Variants in CPAMD8 observed in about 807,000 individuals in gnomAD.
CPAMD8 encodes the protein C3 and PZP-like alpha-2-macroglobulin domain-containing protein 8.
CPAMD8 carries 146 observed loss-of-function variants against 224.7 expected under a neutral mutation model. That is an observed-to-expected ratio of 0.65 (90% CI 0.57 to 0.75). CPAMD8 has a LOEUF of 0.75. Ranked by LOEUF, CPAMD8 falls within the 30% of genes least tolerant of loss-of-function variation. CPAMD8 has a pLI of 0.00. For missense variants in CPAMD8, 2,301 were observed against 2,537.5 expected (o/e 0.91, Z 2.00); for synonymous variants, 966 against 1,044.6 (o/e 0.92, Z 1.45).
At chr19:17,020,415 G>T in intron 2 of CPAMD8, 62 bp from the exon 3 acceptor site, 1 of 1,222,642 alleles carries the variant, frequency 8.2e-7, no homozygotes, top group Non-Finnish European at 1.2e-6. Flanking sequence ...GCCTCCCTGA[G>T]CTGCAGCCTC....
chr19:16,893,148 TC>T lies in CPAMD8; in HGVS notation c.5617del (p.Glu1873ArgfsTer12). On this transcript the variant is annotated frameshift_variant, in exon 42 of 42. Transcript: ENST00000443236. LOFTEE classifies it high-confidence loss of function. ...GGTGTTTGACATCCATAAACCCTCC[TC>T]CCCACCACTCTGAAAGGCTGGGCTG... The part of the protein sequence containing the change: ...VYSPAFQSGG[E>X]EGLWMSNTCT... 1 of 1,567,378 alleles carries T rather than the reference TC, an allele frequency of 6.4e-7. No individual in the cohort carries two copies. Among genetic ancestry groups the T allele is most frequent in the Non-Finnish European group, 8.8e-7 (1 of 1,139,514 alleles).
chr19:17,002,794 CA>C (rs2056370146), intron 8 of CPAMD8, among the ~76,000 whole-genome samples: 1 of 152,146 alleles, frequency 6.6e-6, no homozygotes, highest in Non-Finnish European at 1.5e-5. Flanking sequence ...ATCTTGTCAC[CA>C]GGGGCGGAGG....
rs1416529564 is a variant in CPAMD8 at position 17,011,516 on chromosome 19, A to C, written c.434T>G (p.Val145Gly). 6.2e-7 allele frequency: 1 copy of C among 1,614,068 alleles called. No individual in the cohort carries two copies. Among genetic ancestry groups the C allele is most frequent in the East Asian group, 2.2e-5 (1 of 44,896 alleles). The change falls in exon 5 of 42, where the codon GTG becomes GGG. Residue 145 changes from valine to glycine, a missense_variant and splice_region_variant. Coordinates refer to ENST00000443236, the MANE Select transcript of CPAMD8 (RefSeq NM_015692.5). ...DKPVYRPQHR[V>G]LISIFTVSPN... is the part of the protein sequence containing the mutation. ...AGAGACGGTGAAGATGCTTATGAGCACTAGAAGAAAGAAGAGAGGCGTGTG... is the reference window on the plus strand; with the variant it reads ...AGAGACGGTGAAGATGCTTATGAGCCCTAGAAGAAAGAAGAGAGGCGTGTG...
chr19:16,909,297 C>A (rs1321501050), intron 29 of CPAMD8, among the ~76,000 whole-genome samples: 6 of 152,164 alleles, frequency 3.9e-5, no homozygotes, highest in Non-Finnish European at 8.8e-5. Flanking sequence ...GTAATCCCAG[C>A]ACTTTGTGAG....
Position 17,011,476 on chromosome 19 carries a change from A to C in CPAMD8, c.474T>G (p.Pro158=), listed in dbSNP as rs2056646694. 8.1e-6 allele frequency: 13 copies of C among 1,614,202 alleles called. No individual in the cohort carries two copies. Among genetic ancestry groups the C allele is most frequent in the Non-Finnish European group, 1.1e-5 (13 of 1,180,036 alleles). The change falls in exon 5 of 42, where the codon CCT becomes CCG. Residue 158 remains proline (P), a synonymous_variant. Coordinates refer to ENST00000443236, the MANE Select transcript of CPAMD8 (RefSeq NM_015692.5). ...SIFTVSPNLR[P]VNEKLEAYIL... ...AAGCTGATCTCACCTTCTCGTTGAC[A>C]GGCCTCAGATTTGGAGAGACGGTGA...
At chr19:16,985,714 G>A (rs928057084) in intron 13 of CPAMD8, among the ~76,000 whole-genome samples, 7 of 149,010 alleles carry the variant, frequency 4.7e-5, no homozygotes, top group African/African-American at 1.7e-4. Flanking sequence ...GAGGGAAGAT[G>A]AGTGGATAAA....
intron 14 of CPAMD8, 135 bp from the exon 15 acceptor site, chr19:16,977,675 T>G: frequency 4.8e-6 from 3 of 622,978 alleles, no homozygotes; most frequent in Non-Finnish European, 5.4e-6. Context: ...ATCTTTGGTT[T>G]TGAGATGCCC....
chr19:16,896,289 C>A lies in CPAMD8; in HGVS notation c.5313G>T (p.Gly1771=), dbSNP rs753734017. The A allele has an allele frequency of 1.2e-6, 2 of 1,612,834 alleles. No homozygotes were observed. Among genetic ancestry groups the A allele is most frequent in the Admixed American group, 3.3e-5 (2 of 59,978 alleles). The change falls in exon 41 of 42, where the codon GGG becomes GGT. Residue 1771 remains glycine, a synonymous_variant. Transcript: ENST00000443236. ...CCGGGGCCACAGAAGCCAGGTCATC[C>A]CCGTAGGTGGAGGACGACGAGGCCG... ...RLPASSSSTY[G]DDLASVAPGP...
chr19:16,910,507 T>A (rs1203445686), intron 29 of CPAMD8: 2 of 150,030 alleles, frequency 1.3e-5, no homozygotes, highest in Non-Finnish European at 2.9e-5. Flanking sequence ...GGTCTCACTA[T>A]GTTGCCCAGG....
chr19:17,005,392 T>G (rs1256925029), intron 7 of CPAMD8, among the ~76,000 whole-genome samples: 1 of 50,354 alleles, frequency 2.0e-5, no homozygotes, highest in African/African-American at 7.2e-5. Context: ...CCCCCACCCC[T>G]CCATGAGAAC....
chr19:16,906,337 C>CCTTTCTTTCTTT lies in CPAMD8; in HGVS notation c.4027+603_4027+614dup, dbSNP rs35867251. ...CTCTCCCTCCTTCCTTCCTTCTTTC[C>CCTTTCTTTCTTT]CTTTCTTTCTTTCTTTCTTTCTTTC... On this transcript the variant is annotated intron_variant, in intron 30 of 41. Transcript: ENST00000443236. 2.2e-3 allele frequency among the ~76,000 whole-genome samples: 180 copies of CCTTTCTTTCTTT among 81,720 alleles called. 3 individuals carry two copies. Among genetic ancestry groups the CCTTTCTTTCTTT allele is most frequent in the East Asian group, 0.014 (33 of 2,338 alleles). The allele number at this position is 81,720 out of a possible 152,430, so 53.6% of individuals were successfully genotyped here.
intron 26 of CPAMD8, among the ~76,000 whole-genome samples, chr19:16,923,272 G>A (rs2053242091): frequency 6.6e-6 from 1 of 152,220 alleles, no homozygotes; most frequent in East Asian, 1.9e-4. Flanking sequence ...GGACCGTAGG[G>A]TCTGGACAGA....
intron 21 of CPAMD8, among the ~76,000 whole-genome samples, chr19:16,946,153 T>C (rs1303886244): frequency 1.5e-5 from 2 of 132,034 alleles, no homozygotes; most frequent in South Asian, 2.2e-4. Flanking sequence ...TATCTGCACA[T>C]GTGGGCATGT....
At chr19:16,970,769 C>A in intron 18 of CPAMD8, 122 bp downstream of exon 18, 1 of 892,842 alleles carries the variant, frequency 1.1e-6, no homozygotes, top group South Asian at 1.6e-5. Flanking sequence ...AAATAAATTT[C>A]AGTTGTTTAT....
Position 16,942,719 on chromosome 19 carries a change from G to A in CPAMD8, c.2793+2830C>T, listed in dbSNP as rs139898442. Among the ~76,000 whole-genome samples, 57 of 152,258 alleles carry A rather than the reference G, an allele frequency of 3.7e-4. No homozygotes were observed. The East Asian group carries it at 7.9e-3, about 21-fold the overall frequency. ...ATCTCTTCCACTCTGCCCCTCTGCC[G>A]TGGCTTGGGTTTGCTCCTTGAGTGT... is the stretch of plus-strand genomic sequence containing the variant. On this transcript the variant is annotated intron_variant, in intron 22 of 41. Transcript: ENST00000443236.
At chr19:17,007,391 A>G (rs950564729) in intron 7 of CPAMD8, among the ~76,000 whole-genome samples, 7 of 151,594 alleles carry the variant, frequency 4.6e-5, no homozygotes, top group Non-Finnish European at 8.8e-5. Context: ...AAGAAAGAAG[A>G]AGGAGGAAGG....
intron 12 of CPAMD8, among the ~76,000 whole-genome samples, chr19:16,992,112 G>A (rs2055974537): frequency 6.6e-6 from 1 of 152,156 alleles, no homozygotes; most frequent in South Asian, 2.1e-4. Context: ...GCCAAGGGCT[G>A]GGACATCCTC....
chr19:16,932,391 A>G (rs1190714321), intron 23 of CPAMD8, among the ~76,000 whole-genome samples: 5 of 152,234 alleles, frequency 3.3e-5, no homozygotes, highest in Non-Finnish European at 7.3e-5. Flanking sequence ...ACTGCACTCC[A>G]GCCTGGGCAA....
chr19:16,929,157 C>A lies in CPAMD8; in HGVS notation c.2929G>T (p.Val977Leu). The change falls in exon 24 of 42, where the codon GTG (valine) becomes TTG (leucine). Residue 977 changes from valine (V) to leucine (L), a missense_variant. By Grantham distance (32) the Val-to-Leu change is conservative. This residue lies in a region of CPAMD8 where 1,709 missense variants were observed against 1,753.2 expected (regional missense o/e 0.97). Coordinates refer to ENST00000443236, the MANE Select transcript of CPAMD8 (RefSeq NM_015692.5). The stretch of plus-strand genomic sequence containing the variant: ...ACACGGGCATCATTGTGAGCTCGCA[C>A]AGCCACATCAAAGCGGGTGAGGCGC... ...PLRLTRFDVA[V>L]RAHNDARVAL... The A allele has an allele frequency of 6.2e-7, 1 of 1,614,114 alleles. No homozygotes were observed. The highest frequency in any genetic ancestry group is 8.5e-7 in the Non-Finnish European group (1 of 1,179,976).
Sources: gnomAD v4.1 joint callset for allele counts (sites outside exome capture counted in the v4.1 genomes callset) on GRCh38, gnomAD v4.1.1 for gene constraint, gnomAD v4.1.1 regional missense constraint, MANE v1.5 for transcripts, NCBI Gene and HGNC (gene_info 2026-07-23, HGNC 2026-07-21) for gene names.